The following ZNF124 variants were observed in gnomAD, a reference collection of about 807,000 sequenced individuals.
The protein encoded by ZNF124 is zinc finger protein HZF-16.
A neutral mutation model predicts 26.6 loss-of-function variants in ZNF124; 25 were observed. That is an observed-to-expected ratio of 0.94 (90% CI 0.68 to 1.31). ZNF124 has a LOEUF of 1.31. ZNF124 is among the 40% of genes most tolerant of loss of function. The pLI, the probability that ZNF124 is intolerant of heterozygous loss-of-function variation, is 0.00. For missense variants in ZNF124, 444 were observed against 422.2 expected, an observed-to-expected ratio of 1.05 and a Z score of -0.45; for synonymous variants, 129 against 133.3, an observed-to-expected ratio of 0.97 and a Z score of 0.22.
At chr1:247,135,436 A>G (rs148442707) in intron 3 of ZNF124, among the ~76,000 whole-genome samples, 214 of 152,340 alleles carry the variant, frequency 1.4e-3, no homozygotes, top group Middle Eastern at 3.4e-3. Context: ...GAAAATCTAG[A>G]AGAAATGGAT....
chr1:247,146,054 T>C (rs1381014987), intron 3 of ZNF124, among the ~76,000 whole-genome samples: 2 of 152,222 alleles, frequency 1.3e-5, no homozygotes, highest in Non-Finnish European at 2.9e-5. Flanking sequence ...ACAGCTATAA[T>C]GTGAGCAATG....
downstream of ZNF124, among the ~76,000 whole-genome samples, chr1:247,150,663 G>T (rs1028937575): frequency 6.6e-6 from 1 of 150,990 alleles, no homozygotes; most frequent in Non-Finnish European, 1.5e-5. Context: ...GCTGGGGAAA[G>T]AACAAATAAA....
At chr1:247,166,958 T>G (rs1572101477) in intron 1 of ZNF124, among the ~76,000 whole-genome samples, 1 of 152,198 alleles carries the variant, frequency 6.6e-6, no homozygotes, top group Non-Finnish European at 1.5e-5. Flanking sequence ...CAAGTGAGAT[T>G]TATCCCTAAA....
intron 1 of ZNF124, among the ~76,000 whole-genome samples, chr1:247,161,566 CA>C (rs947930163): frequency 6.7e-6 from 1 of 149,046 alleles, no homozygotes; most frequent in Non-Finnish European, 1.5e-5. Context: ...AATTAAAAGA[CA>C]AAAAACAGTA....
downstream of ZNF124, among the ~76,000 whole-genome samples, chr1:247,154,141 A>ATTCCTTT: frequency 6.6e-6 from 1 of 152,074 alleles, no homozygotes; most frequent in Non-Finnish European, 1.5e-5. Flanking sequence ...CACAGATATA[A>ATTCCTTT]GTTGGCTCCG....
At chr1:247,153,754 TAAG>T (rs1203184658), downstream of ZNF124, among the ~76,000 whole-genome samples, 1 of 152,134 alleles carries the variant, frequency 6.6e-6, no homozygotes, top group African/African-American at 2.4e-5. Flanking sequence ...TTAGCGTCCA[TAAG>T]AAGGTCATTT....
chr1:247,125,290 T>G (rs1013609028), intron 3 of ZNF124, among the ~76,000 whole-genome samples: 15 of 152,152 alleles, frequency 9.9e-5, no homozygotes, highest in African/African-American at 3.4e-4. Context: ...GTGGAGTTTT[T>G]GGGTCAAATG....
downstream of ZNF124, among the ~76,000 whole-genome samples, chr1:247,154,210 C>G (rs1373836912): frequency 6.6e-6 from 1 of 152,180 alleles, no homozygotes; most frequent in African/African-American, 2.4e-5. Context: ...AGGGCAAGAC[C>G]AGGTGGAGGT....
exon 4 of ZNF124, chr1:247,123,818 T>C: frequency 4.3e-6 from 3 of 701,844 alleles, no homozygotes; most frequent in Non-Finnish European, 7.8e-6. Flanking sequence ...AGCCTCTTAG[T>C]AGCTGTGAGG....
chr1:247,162,804 A>G (rs1673561969), intron 1 of ZNF124, among the ~76,000 whole-genome samples: 1 of 152,126 alleles, frequency 6.6e-6, no homozygotes, highest in African/African-American at 2.4e-5. Flanking sequence ...AAATTCTTAC[A>G]CACCTACAAA....
At chr1:247,152,413 A>G (rs886825422), downstream of ZNF124, among the ~76,000 whole-genome samples, 5 of 151,748 alleles carry the variant, frequency 3.3e-5, no homozygotes, top group African/African-American at 1.2e-4. Flanking sequence ...AAAACAGAGT[A>G]GGTATTGTGA....
chr1:247,152,071 A>C (rs1311970264), downstream of ZNF124, among the ~76,000 whole-genome samples: 1 of 140,318 alleles, frequency 7.1e-6, no homozygotes, highest in African/African-American at 2.6e-5. Context: ...TTTTTTTAAG[A>C]TCTAAAAAGC....
downstream of ZNF124, among the ~76,000 whole-genome samples, chr1:247,153,426 GA>G (rs1241029846): frequency 6.6e-6 from 1 of 152,168 alleles, no homozygotes; most frequent in Admixed American, 6.5e-5. Flanking sequence ...GTAGAGTGGG[GA>G]CTTGATCCTG....
chr1:247,168,537 T>G lies in ZNF124; in HGVS notation c.30+3311A>C, dbSNP rs1438838147. On this transcript the variant is annotated intron_variant, in intron 1 of 3. Transcript: ENST00000543802. This position sits in a 1 kb window ranked among gnomAD's most constrained non-coding sequence, Gnocchi z 4.0. Reference sequence around the variant, plus strand: ...TAACAGAGTGAGACTCTGTCTCAATTAAAAAACAAACAAACAAAAACACTT... The same window carrying G: ...TAACAGAGTGAGACTCTGTCTCAATGAAAAAACAAACAAACAAAAACACTT... Among the ~76,000 whole-genome samples, 1 of 151,044 alleles carries G rather than the reference T, an allele frequency of 6.6e-6. No homozygotes were observed. The highest frequency in any genetic ancestry group is 2.4e-5 in the African/African-American group (1 of 40,842).
chr1:247,133,709 A>G (rs1672421154), intron 3 of ZNF124, among the ~76,000 whole-genome samples: 1 of 141,902 alleles, frequency 7.0e-6, no homozygotes, highest in Non-Finnish European at 1.5e-5. Flanking sequence ...GCTGGGGTGC[A>G]GTGGTGCGAT....
rs146401731 is a variant in ZNF124, at chr1:247,123,356, C to T, written c.*512G>A. 410 of 153,492 alleles carry T rather than the reference C, an allele frequency of 2.7e-3. 19 individuals carry two copies. In the East Asian group the frequency reaches 0.073, roughly 27 times the overall value. 9.5% of individuals were successfully genotyped at this position (153,492 alleles called of 1,614,324 possible). A position where few individuals can be genotyped will look rare whatever the true frequency, so the allele number is the denominator to read the frequency against. On this transcript the variant is annotated 3_prime_UTR_variant, in exon 4 of 4. Transcript: ENST00000472531. ...GGACCGCAGGCATCCACCACCACGCCCGGCTACTTTTTGTATTTTTAGTAG... is the reference window on the plus strand; with the variant it reads ...GGACCGCAGGCATCCACCACCACGCTCGGCTACTTTTTGTATTTTTAGTAG...
intron 1 of ZNF124, among the ~76,000 whole-genome samples, chr1:247,164,909 C>CAA (rs1346593486): frequency 6.6e-6 from 1 of 152,048 alleles, no homozygotes; most frequent in East Asian, 1.9e-4. Flanking sequence ...TAAAAACAGA[C>CAA]AGACTGATGG....
chr1:247,131,033 G>A (rs1293733052), intron 3 of ZNF124, among the ~76,000 whole-genome samples: 1 of 152,208 alleles, frequency 6.6e-6, no homozygotes, highest in Non-Finnish European at 1.5e-5. Context: ...CTGAGATTAT[G>A]CCATTGCACC....
chr1:247,164,650 C>T (rs1673675724), intron 1 of ZNF124, among the ~76,000 whole-genome samples: 1 of 151,858 alleles, frequency 6.6e-6, no homozygotes, highest in South Asian at 2.1e-4. Context: ...ACATTCCATG[C>T]TCATTGATAG....
Sources: allele counts gnomAD v4.1 joint callset (sites outside exome capture counted in the v4.1 genomes callset), GRCh38; gene constraint gnomAD v4.1.1; non-coding constraint Gnocchi (gnomAD v3.1); transcripts MANE v1.5; gene names NCBI Gene and HGNC (gene_info 2026-07-23, HGNC 2026-07-21).